Variants in BBS9 observed in about 807,000 individuals in gnomAD.
BBS9 encodes protein PTHB1.
BBS9 carries 89 observed loss-of-function variants against 117.7 expected under a neutral mutation model. That is an observed-to-expected ratio of 0.76 (90% confidence interval 0.64 to 0.90). BBS9 has a LOEUF of 0.90. BBS9 is among the 40% of genes least tolerant of loss of function. The probability of loss-of-function intolerance (pLI) is 0.00; values close to 1 mark genes in which losing one functional copy is unlikely to be tolerated. For missense variants in BBS9, 982 were observed against 1,042.2 expected (o/e 0.94, Z 0.80); for synonymous variants, 379 against 370.9 (o/e 1.02, Z -0.25).
Position 33,208,507 on chromosome 7 carries a change from G to A in BBS9, c.442+30916G>A, listed in dbSNP as rs11978972. Among the ~76,000 whole-genome samples, 413 of 152,304 alleles carry A rather than the reference G, an allele frequency of 2.7e-3. 1 individual carries two copies. Among genetic ancestry groups the A allele is most frequent in the African/African-American group, 9.7e-3 (402 of 41,556 alleles). ...TGTTTCACCTTTTCCTTCTGGGGTGGTTGGGTCTGTGCCTTCCATAAGTCC... is the reference window on the plus strand; with the variant it reads ...TGTTTCACCTTTTCCTTCTGGGGTGATTGGGTCTGTGCCTTCCATAAGTCC... On this transcript the variant is annotated intron_variant, in intron 5 of 22. Transcript: ENST00000242067.
intron 1 of BBS9, among the ~76,000 whole-genome samples, chr7:33,139,809 T>C (rs1791153492): frequency 6.6e-6 from 1 of 152,234 alleles, no homozygotes; most frequent in Admixed American, 6.5e-5. Flanking sequence ...ACTTACTCTT[T>C]GGTTGGTTAC....
chr7:33,274,325 G>A (rs1413913159), intron 9 of BBS9, among the ~76,000 whole-genome samples: 1 of 152,158 alleles, frequency 6.6e-6, no homozygotes, highest in Non-Finnish European at 1.5e-5. Flanking sequence ...ATATTACACT[G>A]TTCATTATAA....
intron 18 of BBS9, among the ~76,000 whole-genome samples, chr7:33,384,604 A>G (rs1185908080): frequency 6.6e-6 from 1 of 152,130 alleles, no homozygotes; most frequent in Admixed American, 6.6e-5. Context: ...TACAGACAAT[A>G]CAAGAGGGGA....
At chr7:33,210,070 A>T (rs1014597739) in intron 5 of BBS9, among the ~76,000 whole-genome samples, 1 of 152,056 alleles carries the variant, frequency 6.6e-6, no homozygotes. Context: ...ACTGTATTTC[A>T]TAGGTTTCGG....
In BBS9 at chr7:33,355,343, G is replaced by A. The variant is rs538865201; in HGVS notation, c.1552+2470G>A. On this transcript the variant is annotated intron_variant, in intron 15 of 22. Coordinates refer to ENST00000242067, the MANE Select transcript of BBS9 (RefSeq NM_198428.3). ...GAAATGTGCCTCTGATGAACCTCATGTCTAAAAACTAGAGATTGTATTGTA... is the reference window on the plus strand; with the variant it reads ...GAAATGTGCCTCTGATGAACCTCATATCTAAAAACTAGAGATTGTATTGTA... 3.9e-5 allele frequency among the ~76,000 whole-genome samples: 6 copies of A among 151,992 alleles called. No individual in the cohort carries two copies. The East Asian group carries it at 9.7e-4, about 24-fold the overall frequency.
At chr7:33,572,665 G>A (rs1858014037) in intron 21 of BBS9, among the ~76,000 whole-genome samples, 1 of 151,912 alleles carries the variant, frequency 6.6e-6, no homozygotes, top group Non-Finnish European at 1.5e-5. Flanking sequence ...TCTCATTGTG[G>A]TTTTGATTTG....
At chr7:33,217,592 GAAT>G (rs1789327159) in intron 5 of BBS9, among the ~76,000 whole-genome samples, 1 of 152,176 alleles carries the variant, frequency 6.6e-6, no homozygotes, top group Non-Finnish European at 1.5e-5. Context: ...TTTTGATACA[GAAT>G]AATGTTTATA....
chr7:33,351,079 T>A, intron 13 of BBS9, 140 bp from the exon 14 acceptor site: 2 of 624,214 alleles, frequency 3.2e-6, no homozygotes, highest in Non-Finnish European at 5.8e-6. Flanking sequence ...CACAGGTTTG[T>A]TGTGAAGATT....
Position 33,159,282 on chromosome 7 carries a change from A to G in BBS9, c.328+3580A>G, listed in dbSNP as rs148053160. Among the ~76,000 whole-genome samples the G allele has an allele frequency of 2.4e-4, 37 of 152,294 alleles. No homozygotes were observed. In the East Asian group the frequency reaches 7.1e-3, roughly 29 times the overall value. ...TCACCATTGTAAATGTGCTTATTTC[A>G]TCTCAAAACCCACTGAGAAATAGCA... On this transcript the variant is annotated intron_variant, in intron 4 of 22. Transcript: ENST00000242067.
intron 5 of BBS9, among the ~76,000 whole-genome samples, chr7:33,243,911 A>T (rs1483067654): frequency 6.6e-6 from 1 of 152,120 alleles, no homozygotes; most frequent in African/African-American, 2.4e-5. Flanking sequence ...TGGTGATTAT[A>T]ATCTATTTCT....
At chr7:33,225,565 T>C (rs994472038) in intron 5 of BBS9, among the ~76,000 whole-genome samples, 17 of 152,184 alleles carry the variant, frequency 1.1e-4, no homozygotes, top group Non-Finnish European at 4.4e-5. Flanking sequence ...TCCCAGTTGG[T>C]TCATCAACCC....
rs1006991238 is a variant in BBS9, at chr7:33,388,732, A to G, written c.2115+588A>G. ...TTAAGGCACTGTCTCTCCAAAAACT[A>G]TTCAAAACATCTCTCACTTAAAAAT... On this transcript the variant is annotated intron_variant, in intron 19 of 22. Transcript: ENST00000242067. 3.3e-5 allele frequency among the ~76,000 whole-genome samples: 5 copies of G among 152,220 alleles called. 1 individual carries two copies. The South Asian group carries it at 1.0e-3, about 32-fold the overall frequency.
intron 9 of BBS9, among the ~76,000 whole-genome samples, chr7:33,308,837 A>T (rs1018274277): frequency 6.6e-6 from 1 of 152,186 alleles, no homozygotes; most frequent in Non-Finnish European, 1.5e-5. Flanking sequence ...TCCACCTCTC[A>T]CTTATGGCCT....
intron 5 of BBS9, among the ~76,000 whole-genome samples, chr7:33,203,884 G>A (rs1156411350): frequency 6.0e-5 from 9 of 151,108 alleles, no homozygotes; most frequent in Admixed American, 1.3e-4. Flanking sequence ...CACCACGCCC[G>A]TCTAATTTTT....
intron 1 of BBS9, among the ~76,000 whole-genome samples, chr7:33,141,453 A>G (rs1791448951): frequency 6.6e-6 from 1 of 151,766 alleles, no homozygotes; most frequent in East Asian, 1.9e-4. Context: ...GCAGCCTCGA[A>G]CTCCTGGGCT....
intron 19 of BBS9, among the ~76,000 whole-genome samples, chr7:33,448,059 C>T (rs980018603): frequency 1.3e-5 from 2 of 152,088 alleles, no homozygotes; most frequent in Non-Finnish European, 2.9e-5. Context: ...GGATGTGTTC[C>T]GCAGTTCTGG....
chr7:33,573,305 T>A (rs1858154642), intron 21 of BBS9, among the ~76,000 whole-genome samples: 1 of 152,134 alleles, frequency 6.6e-6, no homozygotes, highest in African/African-American at 2.4e-5. Context: ...GCTTCTTGAT[T>A]CTTCAGTGGA....
chr7:33,485,767 C>G (rs987859000), intron 19 of BBS9, among the ~76,000 whole-genome samples: 1 of 152,150 alleles, frequency 6.6e-6, no homozygotes, highest in Non-Finnish European at 1.5e-5. Flanking sequence ...AGTTGACACT[C>G]AAATCCAAAA....
At chr7:33,411,705 T>TG (rs1456305844) in intron 19 of BBS9, among the ~76,000 whole-genome samples, 2 of 152,156 alleles carry the variant, frequency 1.3e-5, no homozygotes, top group African/African-American at 2.4e-5. Context: ...TAAGAATATT[T>TG]GGGGATACTA....
Sources: gnomAD v4.1 joint callset for allele counts (sites outside exome capture counted in the v4.1 genomes callset) on GRCh38, gnomAD v4.1.1 for gene constraint, MANE v1.5 for transcripts, NCBI Gene and HGNC (gene_info 2026-07-23, HGNC 2026-07-21) for gene names.